The following CAMKMT variants were observed in gnomAD, a reference collection of about 807,000 sequenced individuals.
The protein encoded by CAMKMT is CaM KMT.
In CAMKMT, 53 loss-of-function variants were observed where a neutral mutation model predicts 48.0. The ratio of observed to expected loss-of-function variants is 1.10; its 90% CI spans 0.89 to 1.39. The LOEUF (loss-of-function observed/expected upper bound fraction) is 1.39, where lower values mean the gene tolerates loss of function less well. Among genes scored for constraint, CAMKMT ranks in the 40% most tolerant of loss-of-function variants. The probability of loss-of-function intolerance (pLI) is 0.00; values close to 1 mark genes in which losing one functional copy is unlikely to be tolerated. For missense variants in CAMKMT, 428 were observed against 402.7 expected, an observed-to-expected ratio of 1.06 and a Z score of -0.54; for synonymous variants, 165 against 152.3, an observed-to-expected ratio of 1.08 and a Z score of -0.61.
At chr2:44,633,000 A>G (rs1672923581) in intron 3 of CAMKMT, among the ~76,000 whole-genome samples, 1 of 152,044 alleles carries the variant, frequency 6.6e-6, no homozygotes, top group South Asian at 2.1e-4. Flanking sequence ...TATCTATCCT[A>G]TTAGTTCTTT....
intron 7 of CAMKMT, 68 bp downstream of exon 7, chr2:44,715,421 T>A: frequency 1.8e-6 from 2 of 1,114,370 alleles, no homozygotes; most frequent in Non-Finnish European, 2.7e-6. Flanking sequence ...GGATGGTTAT[T>A]AAAAATAATA....
chr2:44,691,701 G>C (rs891829565), intron 3 of CAMKMT, among the ~76,000 whole-genome samples: 4 of 152,134 alleles, frequency 2.6e-5, no homozygotes, highest in Non-Finnish European at 5.9e-5. Context: ...AAGAATAACA[G>C]GTCTATAATC....
chr2:44,499,139 T>TA (rs1669892053), intron 3 of CAMKMT, among the ~76,000 whole-genome samples: 2 of 152,208 alleles, frequency 1.3e-5, no homozygotes, highest in South Asian at 4.1e-4. Context: ...TGTAAGAAAA[T>TA]AGAATACATC....
chr2:44,488,566 G>A (rs1669322782), intron 3 of CAMKMT, among the ~76,000 whole-genome samples: 1 of 152,132 alleles, frequency 6.6e-6, no homozygotes, highest in East Asian at 1.9e-4. Context: ...GCCAGGCATG[G>A]TGGTGTGCAC....
chr2:44,446,491 G>T (rs1035035869), intron 3 of CAMKMT, among the ~76,000 whole-genome samples: 3 of 151,970 alleles, frequency 2.0e-5, no homozygotes, highest in Non-Finnish European at 4.4e-5. Context: ...GATTACAGGT[G>T]TGTGCCACCA....
intron 3 of CAMKMT, among the ~76,000 whole-genome samples, chr2:44,436,269 G>T (rs549218144): frequency 6.6e-6 from 1 of 151,994 alleles, no homozygotes; most frequent in Non-Finnish European, 1.5e-5. Context: ...GTAGAGACAG[G>T]GTTTCACCAT....
chr2:44,444,085 T>C (rs560785302), intron 3 of CAMKMT, among the ~76,000 whole-genome samples: 9 of 152,122 alleles, frequency 5.9e-5, no homozygotes, highest in Non-Finnish European at 1.2e-4. Flanking sequence ...TAAGAAGATA[T>C]GTTGCGTAGG....
chr2:44,597,141 A>G (rs886265636), intron 3 of CAMKMT, among the ~76,000 whole-genome samples: 3 of 152,164 alleles, frequency 2.0e-5, no homozygotes, highest in Non-Finnish European at 4.4e-5. Context: ...AGTAGTGGCA[A>G]TCCCCTAAGT....
chr2:44,418,293 G>A (rs2104501850), intron 3 of CAMKMT, among the ~76,000 whole-genome samples: 1 of 149,938 alleles, frequency 6.7e-6, no homozygotes, highest in South Asian at 2.1e-4. Flanking sequence ...TGTGTATCCT[G>A]TTTAAAAAAA....
intron 3 of CAMKMT, among the ~76,000 whole-genome samples, 178 bp from the exon 4 acceptor site, chr2:44,704,105 A>C (rs1271973238): frequency 1.3e-5 from 2 of 152,180 alleles, no homozygotes; most frequent in Non-Finnish European, 2.9e-5. Flanking sequence ...AAGAGTTATA[A>C]ATCTCACCAC....
intron 3 of CAMKMT, among the ~76,000 whole-genome samples, chr2:44,540,976 T>C (rs1247082520): frequency 6.6e-6 from 1 of 152,242 alleles, no homozygotes; most frequent in African/African-American, 2.4e-5. Context: ...AAGTTCATCT[T>C]TGTCTCAATG....
At chr2:44,614,892 A>G (rs116384664) in intron 3 of CAMKMT, among the ~76,000 whole-genome samples, 2,989 of 143,614 alleles carry the variant, frequency 0.021, 111 homozygotes, top group African/African-American at 0.075. Flanking sequence ...CCAGTCTGCT[A>G]CTACTGACCC....
chr2:44,393,011 C>G (rs1194951517), intron 3 of CAMKMT, among the ~76,000 whole-genome samples: 1 of 152,030 alleles, frequency 6.6e-6, no homozygotes, highest in Non-Finnish European at 1.5e-5. Flanking sequence ...ATTTTCTAGT[C>G]ACAAAAACCT....
At chr2:44,528,552 G>A (rs377616352) in intron 3 of CAMKMT, among the ~76,000 whole-genome samples, 1 of 152,086 alleles carries the variant, frequency 6.6e-6, no homozygotes, top group African/African-American at 2.4e-5. Flanking sequence ...CTGTAATACT[G>A]CTAATTCCTT....
At chr2:44,757,691 G>A (rs1257321809) in intron 9 of CAMKMT, among the ~76,000 whole-genome samples, 1 of 151,892 alleles carries the variant, frequency 6.6e-6, no homozygotes. Context: ...GGCCTCCTGA[G>A]TAGCTGGGAT....
intron 3 of CAMKMT, among the ~76,000 whole-genome samples, chr2:44,499,455 TG>T (rs1669906855): frequency 6.6e-6 from 1 of 152,244 alleles, no homozygotes; most frequent in Admixed American, 6.5e-5. Context: ...TATCATACTT[TG>T]TAATTGCTCT....
At chr2:44,682,814 C>T (rs761751215) in intron 3 of CAMKMT, among the ~76,000 whole-genome samples, 12 of 152,174 alleles carry the variant, frequency 7.9e-5, no homozygotes, top group Non-Finnish European at 1.0e-4. Flanking sequence ...TTACATGATT[C>T]TCCCTCCCTA....
At chr2:44,666,326 T>A (rs1674965547) in intron 3 of CAMKMT, among the ~76,000 whole-genome samples, 1 of 152,204 alleles carries the variant, frequency 6.6e-6, no homozygotes, top group African/African-American at 2.4e-5. Flanking sequence ...GTTCTTTACC[T>A]GAAACATAAC....
At chr2:44,672,318 C>T (rs748891221) in intron 3 of CAMKMT, among the ~76,000 whole-genome samples, 5 of 152,286 alleles carry the variant, frequency 3.3e-5, no homozygotes, top group South Asian at 4.1e-4. Context: ...AAACTGAATG[C>T]GGCTCACAAG....
Sources: allele counts gnomAD v4.1 joint callset (sites outside exome capture counted in the v4.1 genomes callset), GRCh38; gene constraint gnomAD v4.1.1; transcripts MANE v1.5; gene names NCBI Gene and HGNC (gene_info 2026-07-23, HGNC 2026-07-21).